Variants in ENOX2 observed in about 807,000 individuals in gnomAD.
ENOX2 encodes ecto-NOX disulfide-thiol exchanger 2, also known as APK1 antigen.
Under a neutral mutation model 45.0 loss-of-function variants are expected in ENOX2, and 36 were observed. The observed-to-expected ratio is 0.80, with a 90% CI of 0.61 to 1.06. The LOEUF is 1.06. Ranked by LOEUF, ENOX2 falls within the 50% of genes least tolerant of loss-of-function variation. The pLI is 0.00. For missense variants in ENOX2, 423 were observed against 462.5 expected (o/e 0.91, Z 0.78); for synonymous variants, 174 against 152.3 (o/e 1.14, Z -1.05).
intron 14 of ENOX2, 147 bp from the exon 15 acceptor site, chrX:130,625,592 G>T: frequency 1.8e-6 from 1 of 546,643 alleles, no homozygotes; most frequent in Non-Finnish European, 2.8e-6. Flanking sequence ...GCATTTGTGT[G>T]TGTTGGCAGA....
chrX:130,631,507 T>C lies in ENOX2; in HGVS notation c.1489A>G (p.Ser497Gly). 1 of 1,204,903 alleles carries C rather than the reference T, an allele frequency of 8.3e-7. No individual in the cohort carries two copies. The highest frequency in any genetic ancestry group is 1.1e-6 in the Non-Finnish European group (1 of 889,170). The change falls in exon 13 of 15, where the codon AGC (serine) becomes GGC (glycine). Residue 497 changes from serine (S) to glycine (G), a missense_variant. Ser to Gly is a moderately conservative substitution (Grantham distance 56). Around this residue, in one of 5 missense-constraint regions of ENOX2, gnomAD observed 108 missense variants for 70.6 expected, o/e 1.53. Coordinates refer to ENST00000394363, the MANE Select transcript of ENOX2 (RefSeq NM_006375.4). ...SEYPLEKTMN[S>G]SPIKSEREAL... The stretch of plus-strand genomic sequence containing the variant: ...TCACGTTCAGATTTGATAGGACTGC[T>C]GTTCATGGTCTTCTCAAGAGGGTAT...
chrX:130,689,109 T>C (rs2037524317), intron 4 of ENOX2, 91 bp from the exon 5 acceptor site: 1 of 760,346 alleles, frequency 1.3e-6, no homozygotes, highest in South Asian at 2.9e-5. Context: ...TCAAAGGCCT[T>C]TCTAAGACAG....
At chrX:130,668,921 C>T (rs747377766) in intron 7 of ENOX2, among the ~76,000 whole-genome samples, 1 of 112,164 alleles carries the variant, frequency 8.9e-6, no homozygotes, top group Non-Finnish European at 1.9e-5. Context: ...TTGGACCTGG[C>T]GTCTTACCAA....
At chrX:130,888,420 T>C (rs1377573944) in intron 2 of ENOX2, among the ~76,000 whole-genome samples, 1 of 111,979 alleles carries the variant, frequency 8.9e-6, no homozygotes, top group Non-Finnish European at 1.9e-5. Context: ...CAGCTTCCAG[T>C]TCTACAACTT....
intron 2 of ENOX2, among the ~76,000 whole-genome samples, chrX:130,848,159 T>C (rs933569044): frequency 2.7e-5 from 3 of 112,049 alleles, no homozygotes; most frequent in African/African-American, 9.7e-5. Flanking sequence ...TATGATTACA[T>C]ATAGTTAGAA....
At chrX:130,900,855 C>T (rs753349982) in intron 2 of ENOX2, among the ~76,000 whole-genome samples, 1 of 112,154 alleles carries the variant, frequency 8.9e-6, no homozygotes, top group Non-Finnish European at 1.9e-5. Flanking sequence ...CCCAGCTAGA[C>T]CCCAGGAAGA....
At chrX:130,677,197 C>T (rs759718668) in intron 6 of ENOX2, among the ~76,000 whole-genome samples, 6 of 112,209 alleles carry the variant, frequency 5.3e-5, no homozygotes, top group Admixed American at 9.4e-5. Flanking sequence ...CGTTCTCCCT[C>T]TCCTACCTTC....
intron 4 of ENOX2, among the ~76,000 whole-genome samples, chrX:130,691,561 T>C (rs2037597502): frequency 8.9e-6 from 1 of 112,450 alleles, no homozygotes; most frequent in Admixed American, 9.4e-5. Flanking sequence ...GAAAATTTGA[T>C]TTCTCATGCA....
intron 2 of ENOX2, among the ~76,000 whole-genome samples, chrX:130,814,459 C>T (rs1417004669): frequency 8.9e-6 from 1 of 112,061 alleles, no homozygotes; most frequent in Non-Finnish European, 1.9e-5. Context: ...GGAGATACCT[C>T]CCAGCAGTGG....
intron 3 of ENOX2, among the ~76,000 whole-genome samples, chrX:130,761,106 T>A (rs1353042927): frequency 6.3e-5 from 7 of 111,401 alleles, no homozygotes; most frequent in Admixed American, 3.8e-4. Flanking sequence ...TCTGTATTCA[T>A]GAAGAATACT....
At chrX:130,661,480 T>C (rs1018711008) in intron 9 of ENOX2, among the ~76,000 whole-genome samples, 8 of 111,744 alleles carry the variant, frequency 7.2e-5, no homozygotes, top group African/African-American at 2.3e-4. Context: ...TGAGCCACCA[T>C]GCCCAGCCTA....
At chrX:130,764,210 A>G (rs1272905941) in intron 3 of ENOX2, among the ~76,000 whole-genome samples, 2 of 111,284 alleles carry the variant, frequency 1.8e-5, no homozygotes, top group Non-Finnish European at 3.8e-5. Context: ...TATAATATCC[A>G]GGGTTTTTAG....
At chrX:130,704,922 T>C (rs2037998385) in intron 3 of ENOX2, among the ~76,000 whole-genome samples, 1 of 111,976 alleles carries the variant, frequency 8.9e-6, no homozygotes, top group Non-Finnish European at 1.9e-5. Flanking sequence ...TTCAGTGTTC[T>C]CTCACAAAGG....
At chrX:130,782,862 TA>T (rs1486533969) in intron 3 of ENOX2, among the ~76,000 whole-genome samples, 2 of 110,188 alleles carry the variant, frequency 1.8e-5, no homozygotes, top group East Asian at 5.7e-4. Flanking sequence ...AAAGAAACAT[TA>T]AGATGAGAAT....
intron 3 of ENOX2, among the ~76,000 whole-genome samples, chrX:130,712,439 C>T (rs750683117): frequency 9.0e-6 from 1 of 111,690 alleles, no homozygotes; most frequent in Non-Finnish European, 1.9e-5. Flanking sequence ...CCAATAAGAT[C>T]TCTGGTATTG....
At chrX:130,636,820 CCTTTTAAAAGG>C (rs1336872464) in intron 11 of ENOX2, among the ~76,000 whole-genome samples, 1 of 111,924 alleles carries the variant, frequency 8.9e-6, no homozygotes, top group Non-Finnish European at 1.9e-5. Flanking sequence ...TCCTGCCATT[CCTTTTAAAAGG>C]CTGTATTTCT....
chrX:130,756,864 C>T (rs992751195), intron 3 of ENOX2, among the ~76,000 whole-genome samples: 2 of 112,239 alleles, frequency 1.8e-5, no homozygotes, highest in East Asian at 2.8e-4. Flanking sequence ...AAAACTCTAA[C>T]TTATTAGCTA....
chrX:130,770,829 T>C (rs112107908), intron 3 of ENOX2, among the ~76,000 whole-genome samples: 9 of 111,988 alleles, frequency 8.0e-5, no homozygotes, highest in East Asian at 5.7e-4. Flanking sequence ...GCAGAAGCCA[T>C]TGTGGTAGTA....
At chrX:130,688,525 C>T (rs148189345) in intron 5 of ENOX2, among the ~76,000 whole-genome samples, 11 of 112,386 alleles carry the variant, frequency 9.8e-5, no homozygotes, top group Non-Finnish European at 2.1e-4. Flanking sequence ...TCTGTCTCTG[C>T]CACCATCAGC....
Sources: gnomAD v4.1 joint callset for allele counts (sites outside exome capture counted in the v4.1 genomes callset) on GRCh38, gnomAD v4.1.1 for gene constraint, gnomAD v4.1.1 regional missense constraint, MANE v1.5 for transcripts, NCBI Gene and HGNC (gene_info 2026-07-23, HGNC 2026-07-21) for gene names.